MYO16: variants seen among roughly 807,000 people sequenced by gnomAD.
MYO16 encodes myosin XVI, also known as unconventional myosin-XVI.
MYO16 carries 94 observed loss-of-function variants against 205.3 expected under a neutral mutation model. The observed-to-expected ratio is 0.46, with a 90% CI of 0.39 to 0.54. MYO16 has a LOEUF of 0.54. MYO16 is among the 20% of genes least tolerant of loss of function. The pLI is 0.00. For synonymous variants in MYO16, 988 were observed against 954.0 expected (o/e 1.04, Z -0.66); for missense variants, 2,315 against 2,387.5 (o/e 0.97, Z 0.63).
intron 2 of MYO16, among the ~76,000 whole-genome samples, chr13:108,690,519 A>G (rs1476011283): frequency 6.6e-6 from 1 of 151,650 alleles, no homozygotes; most frequent in African/African-American, 2.4e-5. Context: ...GTTTAACATG[A>G]AAAGGACTTT....
At chr13:108,939,160 T>C (rs971981798) in intron 16 of MYO16, among the ~76,000 whole-genome samples, 1 of 152,220 alleles carries the variant, frequency 6.6e-6, no homozygotes, top group Admixed American at 6.5e-5. Context: ...CCTTTGTAGG[T>C]GCCTGGATTA....
At position 109,206,815 on chromosome 13, in the gene MYO16, G is replaced by A. The variant is rs1236168354; in HGVS notation, c.5622G>A (p.Glu1874=). 1 of 1,614,058 alleles carries A rather than the reference G, an allele frequency of 6.2e-7. No individual in the cohort carries two copies. Among genetic ancestry groups the A allele is most frequent in the Non-Finnish European group, 8.5e-7 (1 of 1,179,978 alleles). ...EGASCNRLPS[E]LWDTTI ...CCTCCTGCAACAGGCTGCCGTCTGA[G>A]CTCTGGGACACCACCATTTGATGTG... The change falls in exon 35 of 35, where the codon GAG becomes GAA. Residue 1874 remains glutamate (E), a synonymous_variant. Coordinates refer to ENST00000457511, the MANE Select transcript of MYO16 (RefSeq NM_001198950.3).
intron 27 of MYO16, among the ~76,000 whole-genome samples, chr13:109,059,106 C>T (rs568668212): frequency 1.3e-5 from 2 of 152,210 alleles, no homozygotes; most frequent in Admixed American, 6.5e-5. Context: ...GCTTTCTCCA[C>T]TGGCGTATTG....
intron 27 of MYO16, among the ~76,000 whole-genome samples, chr13:109,092,691 CA>C (rs1353943899): frequency 1.3e-5 from 2 of 152,304 alleles, no homozygotes; most frequent in East Asian, 3.9e-4. Context: ...ACCTATGTAA[CA>C]AACCTTCACA....
chr13:108,826,646 T>G (rs1876287283), intron 9 of MYO16, among the ~76,000 whole-genome samples: 1 of 151,904 alleles, frequency 6.6e-6, no homozygotes, highest in Non-Finnish European at 1.5e-5. Context: ...CAGTGCTATA[T>G]CTAACAAAAT....
intron 7 of MYO16, among the ~76,000 whole-genome samples, chr13:108,808,863 C>T (rs950386511): frequency 1.3e-5 from 2 of 152,094 alleles, no homozygotes; most frequent in Non-Finnish European, 2.9e-5. Flanking sequence ...GTAGAGGAAA[C>T]ATAAGCCCAA....
intron 1 of MYO16, among the ~76,000 whole-genome samples, chr13:108,618,730 T>C (rs115032513): frequency 0.011 from 1,730 of 152,328 alleles, 40 homozygotes; most frequent in African/African-American, 0.039. Context: ...AATGAACCAA[T>C]GCTTCTGAGT....
At chr13:109,123,590 AT>A (rs1458642520) in intron 29 of MYO16, among the ~76,000 whole-genome samples, 2 of 152,168 alleles carry the variant, frequency 1.3e-5, no homozygotes, top group Non-Finnish European at 2.9e-5. Context: ...ACTGTGCCTC[AT>A]ACTGTTTAAC....
chr13:108,809,536 G>A (rs1290652595), intron 7 of MYO16, among the ~76,000 whole-genome samples: 5 of 152,210 alleles, frequency 3.3e-5, no homozygotes, highest in African/African-American at 9.6e-5. Flanking sequence ...GTGGAAGCAG[G>A]AGCAGAAAGA....
chr13:108,729,526 AT>A (rs969357397), intron 4 of MYO16, among the ~76,000 whole-genome samples: 1 of 151,876 alleles, frequency 6.6e-6, no homozygotes, highest in Admixed American at 6.6e-5. Context: ...ACTTGTTTTA[AT>A]TTTTTTCAAA....
intron 25 of MYO16, among the ~76,000 whole-genome samples, chr13:109,053,154 A>G (rs957441622): frequency 3.3e-5 from 5 of 152,168 alleles, no homozygotes; most frequent in Admixed American, 2.6e-4. Flanking sequence ...TACCAAAACT[A>G]TAAAAGATGA....
intron 11 of MYO16, among the ~76,000 whole-genome samples, chr13:108,855,833 A>G (rs1878142778): frequency 6.6e-6 from 1 of 152,210 alleles, no homozygotes; most frequent in South Asian, 2.1e-4. Context: ...TTGCTGTGGA[A>G]GATCTTGCTA....
At chr13:108,973,023 A>T (rs995613378) in intron 20 of MYO16, among the ~76,000 whole-genome samples, 1 of 152,110 alleles carries the variant, frequency 6.6e-6, no homozygotes, top group African/African-American at 2.4e-5. Context: ...TGGGGATCCC[A>T]TGGAGCATCT....
At chr13:108,636,235 G>GGTAAATC (rs1880219136) in intron 1 of MYO16, among the ~76,000 whole-genome samples, 1 of 151,646 alleles carries the variant, frequency 6.6e-6, no homozygotes, top group South Asian at 2.1e-4. Flanking sequence ...GATATGATAA[G>GGTAAATC]GTAAATCTCT....
At chr13:108,866,323 A>G in intron 12 of MYO16, 81 bp downstream of exon 12, 1 of 820,096 alleles carries the variant, frequency 1.2e-6, no homozygotes, top group Non-Finnish European at 1.8e-6. Context: ...AATGACTAAA[A>G]AAAACAGGCA....
At position 109,207,262 on chromosome 13, in the gene MYO16, T is replaced by C. The variant is rs1388357108; in HGVS notation, c.*426T>C. ...ATTATAATACAGTATACGGGACATA[T>C]ATTTTATTTCTTTGTAGCTACTTGT... On this transcript the variant is annotated 3_prime_UTR_variant, in exon 35 of 35. Transcript: ENST00000457511. 1.9e-5 allele frequency: 3 copies of C among 154,092 alleles called. No individual in the cohort carries two copies. The highest frequency in any genetic ancestry group is 2.1e-4 in the South Asian group (1 of 4,874). 9.5% of individuals were successfully genotyped at this position (154,092 alleles called of 1,614,324 possible).
the MYO16 span, among the ~76,000 whole-genome samples, chr13:108,574,691 G>GTGTGTA: frequency 1.4e-5 from 2 of 138,794 alleles, no homozygotes; most frequent in Non-Finnish European, 3.2e-5. Context: ...GTGTGTGTGT[G>GTGTGTA]TGTGTGTGTG....
chr13:108,997,636 C>G (rs1314860024), intron 21 of MYO16, among the ~76,000 whole-genome samples: 2 of 151,572 alleles, frequency 1.3e-5, no homozygotes, highest in African/African-American at 2.4e-5. Context: ...GTCAGGAGTT[C>G]AAGACCAGCC....
intron 3 of MYO16, among the ~76,000 whole-genome samples, chr13:108,725,499 A>C (rs1217611296): frequency 6.6e-6 from 1 of 152,116 alleles, no homozygotes; most frequent in African/African-American, 2.4e-5. Context: ...ACAGAACAGC[A>C]TTTAGTTTAG....
Sources: gnomAD v4.1 joint callset for allele counts (sites outside exome capture counted in the v4.1 genomes callset) on GRCh38, gnomAD v4.1.1 for gene constraint, MANE v1.5 for transcripts, NCBI Gene and HGNC (gene_info 2026-07-23, HGNC 2026-07-21) for gene names.